The following YBEY variants were observed in gnomAD, a reference collection of about 807,000 sequenced individuals.
YBEY encodes endoribonuclease YbeY.
In YBEY, 15 loss-of-function variants were observed where a neutral mutation model predicts 13.5. That is an observed-to-expected ratio of 1.11 (90% confidence interval 0.75 to 1.72). YBEY has a LOEUF of 1.72. Ranked by LOEUF, YBEY falls within the 40% of genes most tolerant of loss-of-function variation. YBEY has a pLI of 0.00. For missense variants in YBEY, 244 were observed against 208.4 expected (o/e 1.17, Z -1.05); for synonymous variants, 101 against 83.1 (o/e 1.21, Z -1.17).
the YBEY span, among the ~76,000 whole-genome samples, chr21:46,307,726 G>A: frequency 1.3e-5 from 2 of 152,164 alleles, no homozygotes; most frequent in East Asian, 3.9e-4. Context: ...CAGGGGTTGG[G>A]ATAGGCAGGT....
intron 4 of YBEY, among the ~76,000 whole-genome samples, chr21:46,297,160 G>A (rs1480592321): frequency 6.6e-6 from 1 of 151,398 alleles, no homozygotes; most frequent in Admixed American, 6.6e-5. Flanking sequence ...TTAGCCGGGC[G>A]TGGTGGTGGG....
chr21:46,308,057 G>A, the YBEY span, among the ~76,000 whole-genome samples: 122 of 151,932 alleles, frequency 8.0e-4, no homozygotes, highest in African/African-American at 2.4e-3. Flanking sequence ...ACAAAGGCAC[G>A]ATTTCTGCTC....
the YBEY span, among the ~76,000 whole-genome samples, chr21:46,312,625 C>T: frequency 1.3e-5 from 2 of 152,240 alleles, no homozygotes; most frequent in Non-Finnish European, 2.9e-5. Context: ...CCACCTTGGC[C>T]TCCCAAAGTG....
chr21:46,291,625 G>C (rs947516269), intron 3 of YBEY, 163 bp downstream of exon 3: 8 of 1,437,094 alleles, frequency 5.6e-6, no homozygotes, highest in Non-Finnish European at 9.1e-7. Context: ...GCTGGGTAGG[G>C]ACTGCATGCC....
At chr21:46,305,502 A>G in the YBEY span, among the ~76,000 whole-genome samples, 1 of 151,686 alleles carries the variant, frequency 6.6e-6, no homozygotes, top group Non-Finnish European at 1.5e-5. Flanking sequence ...ACTAATTTTG[A>G]TATGTTTTGT....
intron 4 of YBEY, 139 bp downstream of exon 4, chr21:46,296,369 A>G: frequency 1.1e-6 from 1 of 916,482 alleles, no homozygotes; most frequent in Non-Finnish European, 1.7e-6. Flanking sequence ...AAAATGACAC[A>G]GATGTTTGCT....
downstream of YBEY, chr21:46,302,487 G>T: frequency 1.9e-6 from 3 of 1,605,960 alleles, no homozygotes; most frequent in Non-Finnish European, 2.6e-6. Flanking sequence ...AAGCCTACCT[G>T]CAGGGCTGGG....
intron 2 of YBEY, among the ~76,000 whole-genome samples, chr21:46,291,002 G>T (rs1484981142): frequency 6.7e-6 from 1 of 148,462 alleles, no homozygotes; most frequent in East Asian, 2.0e-4. Context: ...GGCAACAAGA[G>T]GGAAACTCTG....
At chr21:46,296,536 G>A (rs2081957740) in intron 4 of YBEY, among the ~76,000 whole-genome samples, 1 of 152,170 alleles carries the variant, frequency 6.6e-6, no homozygotes, top group African/African-American at 2.4e-5. Context: ...GGGCGGAGGC[G>A]GGAGCTCTGC....
chr21:46,292,570 A>G (rs1432426933), intron 3 of YBEY, among the ~76,000 whole-genome samples: 3 of 138,594 alleles, frequency 2.2e-5, no homozygotes, highest in African/African-American at 7.8e-5. Context: ...GTTAAACTCT[A>G]GATTAAATTC....
At chr21:46,302,296 C>T, downstream of YBEY, 1 of 1,372,620 alleles carries the variant, frequency 7.3e-7, no homozygotes, top group Non-Finnish European at 9.7e-7. Flanking sequence ...AGGCTCCTCC[C>T]CCGCCCCAAA....
chr21:46,302,726 G>A (rs1174636146), downstream of YBEY: 1 of 636,574 alleles, frequency 1.6e-6, no homozygotes, highest in Admixed American at 2.7e-5. Flanking sequence ...ACACGGTGCG[G>A]GTCCCCGGGG....
the YBEY span, chr21:46,311,470 C>T: frequency 2.5e-6 from 4 of 1,596,436 alleles, no homozygotes; most frequent in South Asian, 3.4e-5. Context: ...CTTAATACTT[C>T]CTGACCGTTG....
intron 2 of YBEY, 143 bp from the exon 3 acceptor site, chr21:46,291,191 C>T: frequency 9.3e-7 from 1 of 1,079,554 alleles, no homozygotes; most frequent in East Asian, 2.9e-5. Context: ...GAGTGAAACT[C>T]CGTCTCAAAA....
At chr21:46,300,875 C>T, downstream of YBEY, 2 of 1,062,546 alleles carry the variant, frequency 1.9e-6, no homozygotes, top group Non-Finnish European at 1.2e-6. Context: ...AACATAATTG[C>T]ACCCAAAAAA....
downstream of YBEY, chr21:46,301,517 T>A: frequency 1.0e-6 from 1 of 985,314 alleles, no homozygotes; most frequent in Non-Finnish European, 1.2e-6. Context: ...CTTTGTGGTA[T>A]TTTCCCCATC....
chr21:46,312,760 G>GT, the YBEY span, among the ~76,000 whole-genome samples: 8 of 152,314 alleles, frequency 5.3e-5, no homozygotes, highest in Middle Eastern at 6.8e-3. Context: ...GACGGATGGT[G>GT]TTGAGCATCT....
At chr21:46,301,287 G>A (rs2082098313), downstream of YBEY, 2 of 254,876 alleles carry the variant, frequency 7.8e-6, no homozygotes, top group Non-Finnish European at 1.2e-5. Flanking sequence ...GATAACAGGC[G>A]CATATCACCA....
At chr21:46,312,394 C>T in the YBEY span, among the ~76,000 whole-genome samples, 2 of 152,162 alleles carry the variant, frequency 1.3e-5, no homozygotes, top group Admixed American at 6.6e-5. Flanking sequence ...CCTCAGCTCA[C>T]TGCAACCTCC....
Sources: gnomAD v4.1 joint callset for allele counts (sites outside exome capture counted in the v4.1 genomes callset) on GRCh38, gnomAD v4.1.1 for gene constraint, MANE v1.5 for transcripts, NCBI Gene and HGNC (gene_info 2026-07-23, HGNC 2026-07-21) for gene names.